PRCC: variants seen among roughly 807,000 people sequenced by gnomAD.
PRCC encodes the protein proline rich mitotic checkpoint control factor.
Under a neutral mutation model 44.0 loss-of-function variants are expected in PRCC, and 10 were observed. That is an observed-to-expected ratio of 0.23 (90% CI 0.14 to 0.39). The LOEUF (loss-of-function observed/expected upper bound fraction) is 0.39. Among genes scored for constraint, PRCC ranks in the 10% least tolerant of loss-of-function variants. PRCC has a pLI of 1.00. For synonymous variants in PRCC, 278 were observed against 259.5 expected (o/e 1.07, Z -0.69); for missense variants, 573 against 624.7 (o/e 0.92, Z 0.88).
chr1:156,783,394 A>T (rs1210057588), intron 2 of PRCC, among the ~76,000 whole-genome samples: 1 of 152,202 alleles, frequency 6.6e-6, no homozygotes, highest in Non-Finnish European at 1.5e-5. Context: ...TGATTTATAC[A>T]TTCTAACCTC....
intron 4 of PRCC, 34 bp downstream of exon 4, chr1:156,791,826 C>T (rs2644615): frequency 0.24 from 374,800 of 1,559,370 alleles, 47,234 homozygotes; most frequent in Non-Finnish European, 0.26. Context: ...CCATCTTTGA[C>T]CGCTGGGCAC....
Position 156,787,854 on chromosome 1 carries a change from C to T in PRCC, c.1083+680C>T, listed in dbSNP as rs186651151. Among the ~76,000 whole-genome samples the T allele has an allele frequency of 4.3e-3, 634 of 147,312 alleles. 3 individuals carry two copies. Among genetic ancestry groups the T allele is most frequent in the African/African-American group, 0.015 (590 of 38,806 alleles). ...TATTTGTATTTTATATTTTTTGAGACGGAGTCTTGCTCTGTTGCCCAGGCT... is the reference window on the plus strand; with the variant it reads ...TATTTGTATTTTATATTTTTTGAGATGGAGTCTTGCTCTGTTGCCCAGGCT... On this transcript the variant is annotated intron_variant, in intron 3 of 6. Coordinates refer to ENST00000271526, the MANE Select transcript of PRCC (RefSeq NM_005973.5).
At chr1:156,774,453 A>G (rs1651748033) in intron 1 of PRCC, among the ~76,000 whole-genome samples, 1 of 149,928 alleles carries the variant, frequency 6.7e-6, no homozygotes, top group South Asian at 2.1e-4. Flanking sequence ...GATTACAGGC[A>G]TGAGCCACTG....
intron 5 of PRCC, chr1:156,797,044 G>A: frequency 2.0e-6 from 1 of 508,672 alleles, no homozygotes; most frequent in South Asian, 2.2e-5. Context: ...GTCTAGTGGG[G>A]GATATTAGCA....
intron 2 of PRCC, among the ~76,000 whole-genome samples, chr1:156,783,042 T>G (rs1287562835): frequency 6.6e-6 from 1 of 152,150 alleles, no homozygotes; most frequent in African/African-American, 2.4e-5. Flanking sequence ...GTAGCTGGGT[T>G]TACAGGCATG....
At chr1:156,784,955 A>G (rs963314237) in intron 2 of PRCC, among the ~76,000 whole-genome samples, 1 of 152,172 alleles carries the variant, frequency 6.6e-6, no homozygotes, top group Non-Finnish European at 1.5e-5. Context: ...TGCCACATCT[A>G]TAGGGCTTTC....
chr1:156,773,976 T>C (rs760045414), intron 1 of PRCC, among the ~76,000 whole-genome samples: 6 of 152,066 alleles, frequency 3.9e-5, no homozygotes, highest in Non-Finnish European at 8.8e-5. Context: ...GACATTATGC[T>C]AAGTAAAGTA....
intron 1 of PRCC, among the ~76,000 whole-genome samples, chr1:156,780,189 C>T (rs1652003429): frequency 6.6e-6 from 1 of 152,064 alleles, no homozygotes; most frequent in South Asian, 2.1e-4. Context: ...TCCCGAGTAG[C>T]TGGGATTACA....
chr1:156,768,204 G>A lies in PRCC; in HGVS notation c.433G>A (p.Val145Met), dbSNP rs1190182847. Residue 145 changes from valine (V) to methionine (M), a missense_variant, in exon 1 of 7, where the codon GTG becomes ATG. Val to Met is a conservative substitution (Grantham distance 21, BLOSUM62 1). Coordinates refer to ENST00000271526, the MANE Select transcript of PRCC (RefSeq NM_005973.5). ...CAAGCCAAAGAAGAGGAAAGAGCCC[G>A]TGAAGATCGCGGCGCCGGAGTTGCA... ...LPKPKKRKEP[V>M]KIAAPELHKG... 3 of 1,546,940 alleles carry A rather than the reference G, an allele frequency of 1.9e-6. No individual in the cohort carries two copies. Among genetic ancestry groups the A allele is most frequent in the African/African-American group, 1.4e-5 (1 of 73,200 alleles).
Position 156,767,755 on chromosome 1 carries a change from G to A in PRCC, c.-17G>A, listed in dbSNP as rs1349061604. ...GCCTCATCTGCCGGCAAGGGCGCCC[G>A]AAACGCGGGAGGCGCCATGTCGCTG... On this transcript the variant is annotated 5_prime_UTR_variant, in exon 1 of 7. Transcript: ENST00000271526. The A allele has an allele frequency of 1.3e-6, 2 of 1,577,330 alleles. No homozygotes were observed. Among genetic ancestry groups the A allele is most frequent in the African/African-American group, 1.3e-5 (1 of 74,222 alleles).
Position 156,786,749 on chromosome 1 carries a change from C to G in PRCC, c.658C>G (p.Leu220Val), listed in dbSNP as rs1328635931. ...DGSPDTKPSR[L>V]ASKTKTSSLA... ...CTCCCCTGATACTAAGCCCTCCAGA[C>G]TGGCTTCTAAGACCAAGACTTCCTC... The change falls in exon 3 of 7, where the codon CTG becomes GTG. Residue 220 changes from leucine to valine, a missense_variant. Transcript: ENST00000271526. 6.2e-7 allele frequency: 1 copy of G among 1,614,122 alleles called. No individual in the cohort carries two copies. Among genetic ancestry groups the G allele is most frequent in the Non-Finnish European group, 8.5e-7 (1 of 1,180,056 alleles).
intron 2 of PRCC, among the ~76,000 whole-genome samples, chr1:156,784,082 G>GA (rs1652147989): frequency 6.6e-6 from 1 of 151,994 alleles, no homozygotes; most frequent in Non-Finnish European, 1.5e-5. Flanking sequence ...GAGTAGCTGG[G>GA]ACTACAGGCA....
chr1:156,785,479 C>T (rs556701207), intron 2 of PRCC, among the ~76,000 whole-genome samples: 2 of 151,574 alleles, frequency 1.3e-5, no homozygotes, highest in South Asian at 4.2e-4. Context: ...TGTCACTGCA[C>T]TCCATCCTGG....
intron 1 of PRCC, among the ~76,000 whole-genome samples, chr1:156,773,672 T>C (rs761290890): frequency 1.6e-4 from 25 of 152,162 alleles, no homozygotes; most frequent in Non-Finnish European, 3.4e-4. Context: ...ACAACCTCCA[T>C]TTAATATACT....
intron 3 of PRCC, chr1:156,791,490 TAGATG>T (rs963530358): frequency 3.4e-6 from 2 of 581,554 alleles, no homozygotes; most frequent in Non-Finnish European, 6.1e-6. Context: ...CTGGATAGTG[TAGATG>T]AGAAAAGCTG....
At chr1:156,784,238 C>T (rs1213626721) in intron 2 of PRCC, among the ~76,000 whole-genome samples, 3 of 152,146 alleles carry the variant, frequency 2.0e-5, no homozygotes, top group Non-Finnish European at 2.9e-5. Flanking sequence ...TGAGCCACCG[C>T]GCCCGGCCCT....
chr1:156,779,277 C>T (rs1385679231), intron 1 of PRCC, among the ~76,000 whole-genome samples: 1 of 149,352 alleles, frequency 6.7e-6, no homozygotes, highest in African/African-American at 2.5e-5. Context: ...ATCTCAGCCT[C>T]CCTAGTAGTT....
At position 156,773,293 on chromosome 1, in the gene PRCC, G is replaced by A. The variant is rs561792458; in HGVS notation, c.468+5054G>A. 3.3e-5 allele frequency among the ~76,000 whole-genome samples: 5 copies of A among 152,198 alleles called. No homozygotes were observed. The East Asian group carries it at 7.7e-4, about 24-fold the overall frequency. On this transcript the variant is annotated intron_variant, in intron 1 of 6. Transcript: ENST00000271526. ...CTGGGAAGATAAGAGAGAGGCCGCC[G>A]TGGGGAATGAGGCTCTGATAGATTA...
chr1:156,782,314 G>A lies in PRCC; in HGVS notation c.501G>A (p.Lys167=), dbSNP rs755836418. The change falls in exon 2 of 7, where the codon AAG becomes AAA. Residue 167 remains lysine (K), a synonymous_variant. Transcript: ENST00000271526. The stretch of plus-strand genomic sequence containing the variant: ...CTGAGGAAGATGAACCCACAAAGAA[G>A]AAAACTATCCTTCAGGTAAGCATTG... ...SDSEEDEPTK[K]KTILQGSSEG... is the part of the protein sequence containing the mutation. 1.1e-5 allele frequency: 18 copies of A among 1,607,646 alleles called. No individual in the cohort carries two copies. In the South Asian group the frequency reaches 2.0e-4, roughly 18 times the overall value.
Sources: gnomAD v4.1 joint callset for allele counts (sites outside exome capture counted in the v4.1 genomes callset) on GRCh38, gnomAD v4.1.1 for gene constraint, MANE v1.5 for transcripts, NCBI Gene and HGNC (gene_info 2026-07-23, HGNC 2026-07-21) for gene names.